ZDHHC23: variants seen among roughly 807,000 people sequenced by gnomAD.
The protein encoded by ZDHHC23 is zDHHC palmitoyltransferase 23.
A neutral mutation model predicts 40.2 loss-of-function variants in ZDHHC23; 41 were observed. The ratio of observed to expected loss-of-function variants is 1.02; its 90% CI spans 0.79 to 1.32. ZDHHC23 has a LOEUF of 1.32. ZDHHC23 is among the 40% of genes most tolerant of loss of function. ZDHHC23 has a pLI of 0.00. For missense variants in ZDHHC23, 471 were observed against 541.5 expected, an observed-to-expected ratio of 0.87 and a Z score of 1.29; for synonymous variants, 204 against 210.2, an observed-to-expected ratio of 0.97 and a Z score of 0.26.
At chr3:113,956,212 A>C in intron 3 of ZDHHC23, 127 bp from the exon 4 acceptor site, 2 of 1,034,324 alleles carry the variant, frequency 1.9e-6, no homozygotes. Context: ...GCGCCATTGC[A>C]CTTTAGCCTG....
intron 3 of ZDHHC23, 64 bp downstream of exon 3, chr3:113,954,474 A>T (rs1480467472): frequency 7.0e-7 from 1 of 1,430,360 alleles, no homozygotes; most frequent in Non-Finnish European, 9.3e-7. Flanking sequence ...GTTACATTTT[A>T]TCTTCCCTTG....
At chr3:113,968,453 TC>T (rs372382397), downstream of ZDHHC23, among the ~76,000 whole-genome samples, 1,862 of 151,178 alleles carry the variant, frequency 0.012, 37 homozygotes, top group African/African-American at 0.042. Flanking sequence ...ATTTAGATCT[TC>T]CCCCCCCTTT....
chr3:113,958,395 C>T lies in ZDHHC23; in HGVS notation c.1073C>T (p.Ser358Phe). The change falls in exon 5 of 5, where the codon TCT becomes TTT. Residue 358 changes from serine (S) to phenylalanine (F), a missense_variant. Coordinates refer to ENST00000638807, the MANE Select transcript of ZDHHC23 (RefSeq NM_001320466.2). ...SALSFTCVWYSVIITAGMAYI... is the reference protein window; with the variant it reads ...SALSFTCVWYFVIITAGMAYI... ...CTGTCCTTCACCTGCGTGTGGTACT[C>T]TGTGATCATCACAGCAGGCATGGCC... 6.2e-7 allele frequency: 1 copy of T among 1,614,200 alleles called. No homozygotes were observed. The highest frequency in any genetic ancestry group is 8.5e-7 in the Non-Finnish European group (1 of 1,180,024).
At chr3:113,965,054 G>C, downstream of ZDHHC23, 1 of 605,472 alleles carries the variant, frequency 1.7e-6, no homozygotes, top group Non-Finnish European at 2.7e-6. Flanking sequence ...GTAGCTCGTA[G>C]AGAATAAACC....
chr3:113,969,969 C>A (rs1940632003), downstream of ZDHHC23, among the ~76,000 whole-genome samples: 1 of 152,128 alleles, frequency 6.6e-6, no homozygotes, highest in Admixed American at 6.5e-5. Context: ...AAGAAGTCTT[C>A]CAGTGCAGGA....
In ZDHHC23 at chr3:113,958,294, G is replaced by C; in HGVS notation, c.1041-69G>C. The C allele has an allele frequency of 8.5e-6, 12 of 1,409,926 alleles. No homozygotes were observed. The South Asian group carries it at 1.6e-4, about 18-fold the overall frequency. 87.3% of individuals were successfully genotyped at this position (1,409,926 alleles called of 1,614,324 possible). ...TAATAAGTAAAAAAATGTGTAAAAC[G>C]TGAGAATGATGACAGTTTTCTGAAT... On this transcript the variant is annotated intron_variant, in intron 4 of 4. Coordinates refer to ENST00000638807, the MANE Select transcript of ZDHHC23 (RefSeq NM_001320466.2).
At chr3:113,964,687 G>A (rs1223019527), downstream of ZDHHC23, 2 of 152,380 alleles carry the variant, frequency 1.3e-5, no homozygotes, top group Non-Finnish European at 2.9e-5. Context: ...TGGTGAAAGT[G>A]GACGAGGTCT....
At chr3:113,973,602 TTTTTTTC>T in the ZDHHC23 span, among the ~76,000 whole-genome samples, 1 of 151,754 alleles carries the variant, frequency 6.6e-6, no homozygotes, top group Non-Finnish European at 1.5e-5. Flanking sequence ...GCAGGTTTTT[TTTTTTTC>T]TTTTTTCTTT....
intron 2 of ZDHHC23, among the ~76,000 whole-genome samples, chr3:113,952,763 GTCTGGTGAGGTC>G (rs2107460770): frequency 6.6e-6 from 1 of 152,340 alleles, no homozygotes; most frequent in Non-Finnish European, 1.5e-5. Flanking sequence ...CAGATTCAGT[GTCTGGTGAGGTC>G]TCCTCAGCTT....
At chr3:113,978,184 AC>A in the ZDHHC23 span, 1 of 1,613,794 alleles carries the variant, frequency 6.2e-7, no homozygotes, top group Non-Finnish European at 8.5e-7. Context: ...TCAAAACCTC[AC>A]CTGTCACTGT....
intron 2 of ZDHHC23, among the ~76,000 whole-genome samples, chr3:113,953,490 A>G (rs948817767): frequency 2.0e-5 from 3 of 152,208 alleles, no homozygotes; most frequent in Non-Finnish European, 4.4e-5. Context: ...TAGGGGAGAA[A>G]TAATCTTGAC....
the ZDHHC23 span, among the ~76,000 whole-genome samples, chr3:113,974,116 ATTTGTTTGAC>A: frequency 6.6e-6 from 1 of 151,666 alleles, no homozygotes; most frequent in African/African-American, 2.4e-5. Flanking sequence ...CAGTTCCAAG[ATTTGTTTGAC>A]TTTTTAAATC....
At chr3:113,967,929 A>G (rs1352028860), downstream of ZDHHC23, among the ~76,000 whole-genome samples, 4 of 151,556 alleles carry the variant, frequency 2.6e-5, no homozygotes. Flanking sequence ...TAACACAGTG[A>G]CCTCCAGTTC....
chr3:113,976,640 TAA>T, the ZDHHC23 span, among the ~76,000 whole-genome samples: 10 of 131,136 alleles, frequency 7.6e-5, no homozygotes, highest in Admixed American at 1.5e-4. Flanking sequence ...GACACTAAAC[TAA>T]AAAAAAAAAA....
chr3:113,966,297 T>C (rs964476028), downstream of ZDHHC23, among the ~76,000 whole-genome samples: 12 of 152,218 alleles, frequency 7.9e-5, no homozygotes, highest in African/African-American at 2.9e-4. Flanking sequence ...GTGTCTGTGC[T>C]GTCACAGGGA....
rs879681720 is a variant in ZDHHC23, at chr3:113,962,281, T to C, written c.*3651T>C. On this transcript the variant is annotated 3_prime_UTR_variant, in exon 5 of 5. Coordinates refer to ENST00000638807, the MANE Select transcript of ZDHHC23 (RefSeq NM_001320466.2). ...AATATAAATTTCTTGCAGAATCAGC[T>C]ACACTTAATTATGTTGCTGATAGAC... The C allele has an allele frequency of 5.9e-5, 9 of 152,224 alleles. No homozygotes were observed. Among genetic ancestry groups the C allele is most frequent in the Admixed American group, 3.3e-4 (5 of 15,286 alleles). The allele number at this position is 152,224 out of a possible 1,614,324, so 9.4% of individuals were successfully genotyped here. A position where few individuals can be genotyped will look rare whatever the true frequency, so the allele number is the denominator to read the frequency against.
intron 4 of ZDHHC23, among the ~76,000 whole-genome samples, 167 bp downstream of exon 4, chr3:113,956,673 G>A (rs1939254958): frequency 6.6e-6 from 1 of 152,230 alleles, no homozygotes; most frequent in Non-Finnish European, 1.5e-5. Context: ...TTGGTGATGT[G>A]TGTTTTTCAA....
chr3:113,954,730 AAG>A (rs1482939060), intron 3 of ZDHHC23, among the ~76,000 whole-genome samples: 10 of 152,166 alleles, frequency 6.6e-5, no homozygotes, highest in Admixed American at 6.5e-4. Flanking sequence ...TTTTTAAAAA[AAG>A]AATTGATCAG....
rs1939695297 is a variant in ZDHHC23 at position 113,961,778 on chromosome 3, A to C, written c.*3148A>C. Reference sequence around the variant, plus strand: ...TTTTTAGCAAGAGACAATTTTCTGTACTAGAATCTTCCACTGCCAGAAAAC... The same window carrying C: ...TTTTTAGCAAGAGACAATTTTCTGTCCTAGAATCTTCCACTGCCAGAAAAC... On this transcript the variant is annotated 3_prime_UTR_variant, in exon 5 of 5. Coordinates refer to ENST00000638807, the MANE Select transcript of ZDHHC23 (RefSeq NM_001320466.2). 6.6e-6 allele frequency: 1 copy of C among 152,660 alleles called. No homozygotes were observed. Among genetic ancestry groups the C allele is most frequent in the African/African-American group, 2.4e-5 (1 of 41,458 alleles). The allele number at this position is 152,660 out of a possible 1,614,324, so 9.5% of individuals were successfully genotyped here.
Sources: gnomAD v4.1 joint callset for allele counts (sites outside exome capture counted in the v4.1 genomes callset) on GRCh38, gnomAD v4.1.1 for gene constraint, MANE v1.5 for transcripts, NCBI Gene and HGNC (gene_info 2026-07-23, HGNC 2026-07-21) for gene names.